POC1A: variants seen among roughly 807,000 people sequenced by gnomAD.
The protein encoded by POC1A is POC1 centriolar protein A, also known as POC1 centriolar protein homolog A.
Under a neutral mutation model 47.8 loss-of-function variants are expected in POC1A, and 34 were observed. The ratio of observed to expected loss-of-function variants is 0.71; its 90% CI spans 0.54 to 0.95. The LOEUF is 0.95. POC1A is among the 40% of genes least tolerant of loss of function. The probability of loss-of-function intolerance (pLI) is 0.00; values close to 1 mark genes in which losing one functional copy is unlikely to be tolerated. For synonymous variants in POC1A, 177 were observed against 207.6 expected (o/e 0.85, Z 1.27); for missense variants, 466 against 528.3 (o/e 0.88, Z 1.16).
intron 10 of POC1A, among the ~76,000 whole-genome samples, chr3:52,085,091 T>A (rs567729991): frequency 1.4e-4 from 21 of 152,278 alleles, no homozygotes; most frequent in Admixed American, 5.2e-4. Context: ...GGAGAGGCAG[T>A]AGGAGGGTGA....
At chr3:52,104,998 T>C (rs1381658074) in intron 9 of POC1A, among the ~76,000 whole-genome samples, 2 of 152,366 alleles carry the variant, frequency 1.3e-5, no homozygotes, top group South Asian at 2.1e-4. Flanking sequence ...ACTTTCTACT[T>C]TTCTTTTAAT....
At chr3:52,150,144 C>A (rs1288215093) in intron 2 of POC1A, among the ~76,000 whole-genome samples, 157 bp from the exon 3 acceptor site, 1 of 152,182 alleles carries the variant, frequency 6.6e-6, no homozygotes, top group Non-Finnish European at 1.5e-5. Context: ...GAGCACATCT[C>A]GAGGTATGGT....
At chr3:52,123,376 G>C (rs991841362) in intron 8 of POC1A, among the ~76,000 whole-genome samples, 1 of 151,692 alleles carries the variant, frequency 6.6e-6, no homozygotes, top group Non-Finnish European at 1.5e-5. Flanking sequence ...GGCTGGCTTG[G>C]GTGTCACAAG....
At chr3:52,104,560 T>A (rs374797811) in intron 9 of POC1A, among the ~76,000 whole-genome samples, 43 of 152,330 alleles carry the variant, frequency 2.8e-4, no homozygotes, top group African/African-American at 1.0e-3. Flanking sequence ...CAGGACACAG[T>A]TGACACCGTC....
At chr3:52,113,916 C>G (rs1703468130) in intron 9 of POC1A, among the ~76,000 whole-genome samples, 1 of 152,232 alleles carries the variant, frequency 6.6e-6, no homozygotes, top group South Asian at 2.1e-4. Context: ...CCACCCAAAG[C>G]AAAGGCTGCT....
intron 9 of POC1A, among the ~76,000 whole-genome samples, chr3:52,113,456 A>G (rs1295759188): frequency 1.3e-5 from 2 of 152,234 alleles, no homozygotes; most frequent in Admixed American, 6.5e-5. Flanking sequence ...CAATCCCAGC[A>G]TTTTGGTAGG....
chr3:52,114,176 A>ATCCACCT (rs1450937436), intron 9 of POC1A, among the ~76,000 whole-genome samples: 1 of 152,232 alleles, frequency 6.6e-6, no homozygotes, highest in Admixed American at 6.5e-5. Context: ...AGTTTCTAGT[A>ATCCACCT]TCCACCTTCC....
chr3:52,138,131 C>G, intron 7 of POC1A, 38 bp downstream of exon 7: 3 of 1,610,972 alleles, frequency 1.9e-6, no homozygotes, highest in East Asian at 2.2e-5. Context: ...AAGGTACCAC[C>G]ACTCCACACC....
chr3:52,109,648 C>T (rs533818326), intron 9 of POC1A, among the ~76,000 whole-genome samples: 10 of 152,250 alleles, frequency 6.6e-5, no homozygotes, highest in African/African-American at 2.2e-4. Flanking sequence ...TCTAAGTCCA[C>T]GGAACGTTCT....
chr3:52,150,947 C>T (rs978123792), intron 2 of POC1A, 69 bp downstream of exon 2: 1 of 1,395,330 alleles, frequency 7.2e-7, no homozygotes, highest in Non-Finnish European at 1.0e-6. Flanking sequence ...CCACCCACCA[C>T]CCCTCCGAGG....
At chr3:52,126,482 C>T (rs1438066742) in intron 7 of POC1A, among the ~76,000 whole-genome samples, 2 of 152,194 alleles carry the variant, frequency 1.3e-5, no homozygotes, top group African/African-American at 4.8e-5. Flanking sequence ...ACGAAAAAAG[C>T]AAGTACAACA....
At chr3:52,149,429 A>G (rs1210590342) in intron 3 of POC1A, 40 bp from the exon 4 acceptor site, 2 of 1,587,194 alleles carry the variant, frequency 1.3e-6, no homozygotes, top group Non-Finnish European at 1.7e-6. Flanking sequence ...AACCCATAAC[A>G]GTGACATGAG....
intron 1 of POC1A, among the ~76,000 whole-genome samples, chr3:52,152,700 T>G (rs1012767009): frequency 6.6e-6 from 1 of 152,248 alleles, no homozygotes; most frequent in Non-Finnish European, 1.5e-5. Context: ...ACACAAAAAC[T>G]TGTACACAAA....
At chr3:52,153,003 T>G (rs1366511455) in intron 1 of POC1A, among the ~76,000 whole-genome samples, 1 of 152,190 alleles carries the variant, frequency 6.6e-6, no homozygotes, top group Non-Finnish European at 1.5e-5. Context: ...TGCCAAGGGT[T>G]GGGAGAAAAT....
intron 9 of POC1A, among the ~76,000 whole-genome samples, chr3:52,104,832 G>A (rs936325855): frequency 7.9e-5 from 12 of 152,242 alleles, no homozygotes; most frequent in Admixed American, 5.2e-4. Flanking sequence ...AGTCCATGGA[G>A]TGTCAGGCCT....
At chr3:52,124,655 G>A (rs529700926) in intron 8 of POC1A, among the ~76,000 whole-genome samples, 4 of 152,232 alleles carry the variant, frequency 2.6e-5, no homozygotes, top group African/African-American at 4.8e-5. Context: ...CTCATCTACC[G>A]CACGGGGAGA....
intron 9 of POC1A, among the ~76,000 whole-genome samples, chr3:52,105,563 C>T (rs1703148744): frequency 6.6e-6 from 1 of 152,190 alleles, no homozygotes; most frequent in African/African-American, 2.4e-5. Flanking sequence ...GGCGTTTTCT[C>T]AAATCAGAGC....
intron 7 of POC1A, among the ~76,000 whole-genome samples, chr3:52,127,615 G>C (rs1035456186): frequency 1.3e-5 from 2 of 151,408 alleles, no homozygotes; most frequent in African/African-American, 4.9e-5. Flanking sequence ...GGATGGTCTC[G>C]ATCTCCTGAC....
At position 52,145,972 on chromosome 3, in the gene POC1A, AG is replaced by A; in HGVS notation, c.564-12del. On this transcript the variant is annotated splice_polypyrimidine_tract_variant and intron_variant, in intron 5 of 10. Coordinates refer to ENST00000296484, the MANE Select transcript of POC1A (RefSeq NM_015426.5). ...ACATAGGTGACAAAGCTGGAAAGACAGGGGCCACTATGCACTATAGGAGGTC... is the reference window on the plus strand; with the variant it reads ...ACATAGGTGACAAAGCTGGAAAGACAGGGCCACTATGCACTATAGGAGGTC... 1 of 1,538,398 alleles carries A rather than the reference AG, an allele frequency of 6.5e-7. No individual in the cohort carries two copies. The highest frequency in any genetic ancestry group is 9.0e-7 in the Non-Finnish European group (1 of 1,111,290).
Sources: allele counts gnomAD v4.1 joint callset (sites outside exome capture counted in the v4.1 genomes callset), GRCh38; gene constraint gnomAD v4.1.1; transcripts MANE v1.5; gene names NCBI Gene and HGNC (gene_info 2026-07-23, HGNC 2026-07-21).